DAB1: variants seen among roughly 807,000 people sequenced by gnomAD.
The protein encoded by DAB1 is DAB adaptor protein 1, also known as disabled homolog 1.
Under a neutral mutation model 64.6 loss-of-function variants are expected in DAB1, and 15 were observed. That is an observed-to-expected ratio of 0.23 (90% CI 0.16 to 0.36). The LOEUF (loss-of-function observed/expected upper bound fraction) is 0.36. Ranked by LOEUF, DAB1 falls within the 10% of genes least tolerant of loss-of-function variation. The probability of loss-of-function intolerance (pLI) is 1.00; values close to 1 mark genes in which losing one functional copy is unlikely to be tolerated. For synonymous variants in DAB1, 235 were observed against 251.9 expected (o/e 0.93, Z 0.64); for missense variants, 596 against 706.7 (o/e 0.84, Z 1.78).
At chr1:58,232,481 AC>A (rs1659824571) in intron 4 of DAB1, among the ~76,000 whole-genome samples, 1 of 17,250 alleles carries the variant, frequency 5.8e-5, no homozygotes, top group African/African-American at 2.1e-4. Context: ...GTGAATACAC[AC>A]ACACACACAC....
At chr1:57,124,088 C>T (rs1424164873) in intron 4 of DAB1, among the ~76,000 whole-genome samples, 1 of 152,196 alleles carries the variant, frequency 6.6e-6, no homozygotes, top group Non-Finnish European at 1.5e-5. Flanking sequence ...ACCAGTAAAA[C>T]TGCATGTGTC....
At chr1:57,753,147 C>T (rs1246643376) in intron 6 of DAB1, among the ~76,000 whole-genome samples, 3 of 152,250 alleles carry the variant, frequency 2.0e-5, no homozygotes, top group African/African-American at 7.2e-5. Flanking sequence ...TTGCTCATGT[C>T]CAGGAACTGT....
chr1:57,982,036 A>G lies in DAB1; in HGVS notation n.388-97874T>C, dbSNP rs75995090. Among the ~76,000 whole-genome samples, 169 of 152,316 alleles carry G rather than the reference A, an allele frequency of 1.1e-3. 2 individuals carry two copies. The East Asian group carries it at 0.029, about 26-fold the overall frequency. On this transcript the variant is annotated intron_variant and non_coding_transcript_variant, in intron 5 of 20. Transcript: ENST00000485760. ...TGGCAACAGACTCTCAGTGACAGAA[A>G]CACTGGTCTACAGAGTTGCCCTGGA...
At chr1:57,045,764 G>A (rs1380434110) in intron 9 of DAB1, among the ~76,000 whole-genome samples, 1 of 152,126 alleles carries the variant, frequency 6.6e-6, no homozygotes, top group African/African-American at 2.4e-5. Context: ...CTGACAGCAT[G>A]TAATGGTGAA....
chr1:57,627,676 G>T (rs980033204), intron 7 of DAB1, among the ~76,000 whole-genome samples: 2 of 152,178 alleles, frequency 1.3e-5, no homozygotes, highest in African/African-American at 4.8e-5. Context: ...TTGAAAAGGA[G>T]ATCTCTCCCA....
intron 2 of DAB1, among the ~76,000 whole-genome samples, chr1:58,508,217 TTGTC>T (rs1316296825): frequency 6.6e-5 from 10 of 152,188 alleles, no homozygotes; most frequent in African/African-American, 2.4e-4. Context: ...AGTGTTGAGT[TTGTC>T]TGTACTTCTC....
chr1:57,599,200 G>T (rs1489161943), intron 7 of DAB1, among the ~76,000 whole-genome samples: 36 of 148,850 alleles, frequency 2.4e-4, no homozygotes, highest in African/African-American at 7.7e-4. Flanking sequence ...TTTTTTTCTA[G>T]GAATGAAGCT....
chr1:57,010,015 G>A (rs1276383116), intron 14 of DAB1, among the ~76,000 whole-genome samples: 4 of 152,192 alleles, frequency 2.6e-5, no homozygotes, highest in Non-Finnish European at 5.9e-5. Flanking sequence ...AAGGATGCAG[G>A]GTGCAGGGTC....
chr1:57,781,425 A>C (rs1650093217), intron 6 of DAB1, among the ~76,000 whole-genome samples: 1 of 151,902 alleles, frequency 6.6e-6, no homozygotes, highest in African/African-American at 2.4e-5. Context: ...GTAAGAGGCA[A>C]ACCTGACAAC....
At chr1:57,527,202 G>A (rs923755200) in intron 7 of DAB1, among the ~76,000 whole-genome samples, 5 of 152,050 alleles carry the variant, frequency 3.3e-5, no homozygotes, top group Non-Finnish European at 1.5e-5. Flanking sequence ...TGTCCAAGAC[G>A]CACCTGTCTC....
intron 2 of DAB1, among the ~76,000 whole-genome samples, chr1:57,242,136 T>C (rs1668539301): frequency 6.6e-6 from 1 of 152,224 alleles, no homozygotes; most frequent in Non-Finnish European, 1.5e-5. Context: ...TATAGGTTTA[T>C]GGCTGAAATT....
chr1:58,494,883 T>G (rs187051900), intron 3 of DAB1, among the ~76,000 whole-genome samples: 266 of 152,288 alleles, frequency 1.7e-3, no homozygotes, highest in African/African-American at 6.1e-3. Flanking sequence ...GATCTAGAAC[T>G]AGAAATACCA....
chr1:57,655,668 A>T (rs1288439308), intron 6 of DAB1, among the ~76,000 whole-genome samples: 1 of 152,184 alleles, frequency 6.6e-6, no homozygotes, highest in Non-Finnish European at 1.5e-5. Context: ...GATAAGTGCC[A>T]CGGAGAAACA....
upstream of DAB1, among the ~76,000 whole-genome samples, chr1:57,424,921 T>A (rs1251450343): frequency 6.6e-6 from 1 of 152,016 alleles, no homozygotes; most frequent in Non-Finnish European, 1.5e-5. Flanking sequence ...TGACTGGGAG[T>A]AAACAATCCT....
intron 2 of DAB1, among the ~76,000 whole-genome samples, chr1:57,258,173 T>A (rs767545978): frequency 3.3e-5 from 5 of 152,216 alleles, no homozygotes; most frequent in Non-Finnish European, 7.3e-5. Flanking sequence ...AACTTGTTTG[T>A]ATTTCTCACA....
chr1:58,234,231 T>C (rs191683657), intron 4 of DAB1, among the ~76,000 whole-genome samples: 191 of 152,344 alleles, frequency 1.3e-3, no homozygotes, highest in African/African-American at 4.4e-3. Flanking sequence ...TCATTCATTC[T>C]TTCATTCATT....
At chr1:57,244,094 CTT>C (rs1668692831) in intron 2 of DAB1, among the ~76,000 whole-genome samples, 1 of 152,118 alleles carries the variant, frequency 6.6e-6, no homozygotes, top group African/African-American at 2.4e-5. Context: ...TATATATTCT[CTT>C]TTTGTGTATT....
intron 4 of DAB1, among the ~76,000 whole-genome samples, chr1:58,158,859 TAC>T (rs1655360505): frequency 6.6e-6 from 1 of 152,176 alleles, no homozygotes; most frequent in Admixed American, 6.5e-5. Context: ...GAGTCGAATC[TAC>T]ACACATACAC....
intron 7 of DAB1, among the ~76,000 whole-genome samples, chr1:57,588,502 C>G (rs1458555077): frequency 6.6e-6 from 1 of 151,960 alleles, no homozygotes; most frequent in Non-Finnish European, 1.5e-5. Context: ...TCCTGAATAC[C>G]AAGAAGGTTA....
Sources: allele counts gnomAD v4.1 joint callset (sites outside exome capture counted in the v4.1 genomes callset), GRCh38; gene constraint gnomAD v4.1.1; transcripts MANE v1.5; gene names NCBI Gene and HGNC (gene_info 2026-07-23, HGNC 2026-07-21).